FANCM: variants seen among roughly 807,000 people sequenced by gnomAD.
The protein encoded by FANCM is FA complementation group M, also known as Fanconi anemia group M protein.
A neutral mutation model predicts 199.5 loss-of-function variants in FANCM; 140 were observed. The ratio of observed to expected loss-of-function variants is 0.70; its 90% CI spans 0.61 to 0.81. FANCM has a LOEUF of 0.81. Ranked by LOEUF, FANCM falls within the 30% of genes least tolerant of loss-of-function variation. FANCM has a pLI of 0.00. For missense variants in FANCM, 2,410 were observed against 2,421.4 expected (o/e 1.00, Z 0.10); for synonymous variants, 840 against 836.8 (o/e 1.00, Z -0.07).
At chr14:45,162,869 T>C (rs189895477) in intron 9 of FANCM, among the ~76,000 whole-genome samples, 1 of 152,184 alleles carries the variant, frequency 6.6e-6, no homozygotes, top group Non-Finnish European at 1.5e-5. Flanking sequence ...GTGGCCTTTT[T>C]TTTTTCTTTA....
intron 20 of FANCM, among the ~76,000 whole-genome samples, chr14:45,191,365 A>T (rs557661787): frequency 1.3e-5 from 2 of 152,336 alleles, no homozygotes; most frequent in East Asian, 3.9e-4. Flanking sequence ...GACAAGGCAG[A>T]GTCCCTCCTG....
Position 45,153,916 on chromosome 14 carries a change from C to T in FANCM, c.1051-4C>T. 1 of 1,609,522 alleles carries T rather than the reference C, an allele frequency of 6.2e-7. No homozygotes were observed. Among genetic ancestry groups the T allele is most frequent in the Non-Finnish European group, 8.5e-7 (1 of 1,176,114 alleles). On this transcript the variant is annotated splice_polypyrimidine_tract_variant and splice_region_variant and intron_variant, in intron 5 of 22. Coordinates refer to ENST00000267430, the MANE Select transcript of FANCM (RefSeq NM_020937.4). ...GTTAAATTTGACATATGCTGTTTTT[C>T]TAGGGAATACAACAAGGCATAATCG...
rs1888673355 is a variant in FANCM, at chr14:45,176,136, A to T, written c.3382A>T (p.Thr1128Ser). ...TAACAGTGACCTCCCAGTATTGTCC[A>T]CTGATCAAGATGAAAGTTTGCTGTT... is the stretch of plus-strand genomic sequence containing the variant. Reference protein sequence around the residue: ...VDNSDLPVLSTDQDESLLLFE... With the variant: ...VDNSDLPVLSSDQDESLLLFE... Residue 1128 changes from threonine (T) to serine (S), a missense_variant, in exon 14 of 23, where the codon ACT becomes TCT. Transcript: ENST00000267430. 6 of 1,614,052 alleles carry T rather than the reference A, an allele frequency of 3.7e-6. No homozygotes were observed. In the East Asian group the frequency reaches 1.3e-4, roughly 36 times the overall value.
chr14:45,177,396 C>G (rs1196425310), intron 14 of FANCM, among the ~76,000 whole-genome samples: 1 of 151,654 alleles, frequency 6.6e-6, no homozygotes, highest in African/African-American at 2.4e-5. Context: ...TTTTTTGTTT[C>G]TTTGTTTTTT....
intron 19 of FANCM, among the ~76,000 whole-genome samples, chr14:45,188,333 C>G (rs1889538916): frequency 6.6e-6 from 1 of 152,152 alleles, no homozygotes; most frequent in Non-Finnish European, 1.5e-5. Flanking sequence ...GAGCAAAACT[C>G]CATCTCAAAA....
At chr14:45,162,934 CA>C (rs1887707818) in intron 9 of FANCM, among the ~76,000 whole-genome samples, 1 of 151,690 alleles carries the variant, frequency 6.6e-6, no homozygotes, top group Admixed American at 6.6e-5. Context: ...GGCTTAATGT[CA>C]GTACAAATTC....
In FANCM at chr14:45,136,544, C is replaced by G. The variant is rs886050497; in HGVS notation, c.508+5C>G. On this transcript the variant is annotated splice_donor_5th_base_variant and intron_variant, in intron 1 of 22. Transcript: ENST00000267430. ...CCCACATGGCCGAAATGACAGGTAT[C>G]TTAGACTGGACTAATTTTGAAGTAA... is the stretch of plus-strand genomic sequence containing the variant. The G allele has an allele frequency of 6.2e-7, 1 of 1,612,818 alleles. No individual in the cohort carries two copies. Among genetic ancestry groups the G allele is most frequent in the East Asian group, 2.2e-5 (1 of 44,878 alleles).
intron 11 of FANCM, among the ~76,000 whole-genome samples, chr14:45,168,961 G>A (rs959307248): frequency 6.6e-6 from 1 of 150,814 alleles, no homozygotes; most frequent in East Asian, 1.9e-4. Flanking sequence ...TCGTGTTGTC[G>A]CCCAGGCTGG....
intron 14 of FANCM, among the ~76,000 whole-genome samples, chr14:45,178,344 G>A (rs778302504): frequency 4.6e-5 from 7 of 152,134 alleles, no homozygotes; most frequent in Admixed American, 4.6e-4. Flanking sequence ...TGAAGTCCAC[G>A]TTAATGAGTG....
In FANCM at chr14:45,176,243, C is replaced by G. The variant is rs758363235; in HGVS notation, c.3489C>G (p.Asp1163Glu). The change falls in exon 14 of 23, where the codon GAC becomes GAG. Residue 1163 changes from aspartate (D) to glutamate (E), a missense_variant. Asp to Glu is a conservative substitution (Grantham distance 45). Transcript: ENST00000267430. ...AAAGCGAATCTTTACCTGTGTCAGA[C>G]AAAACTGCTATTAGTGAAACGCCTC... Reference protein sequence around the residue: ...NSKSESLPVSDKTAISETPLV... With the variant: ...NSKSESLPVSEKTAISETPLV... 1.2e-6 allele frequency: 2 copies of G among 1,613,310 alleles called. No individual in the cohort carries two copies. Among genetic ancestry groups the G allele is most frequent in the East Asian group, 4.5e-5 (2 of 44,808 alleles).
intron 10 of FANCM, among the ~76,000 whole-genome samples, chr14:45,165,511 G>A (rs753576213): frequency 1.2e-4 from 19 of 152,066 alleles, no homozygotes; most frequent in Non-Finnish European, 2.6e-4. Context: ...TCCCACCACT[G>A]CACTCCAGCC....
Position 45,176,384 on chromosome 14 carries a change from G to A in FANCM, c.3630G>A (p.Gln1210=), listed in dbSNP as rs1888700897. The A allele has an allele frequency of 6.2e-7, 1 of 1,612,730 alleles. No individual in the cohort carries two copies. The highest frequency in any genetic ancestry group is 1.3e-5 in the African/African-American group (1 of 74,892). ...AATCTCGTGATCAGAGAGGTGTACA[G>A]GAAGAAAAAGTGAAGAATCATGAGG... is the stretch of plus-strand genomic sequence containing the variant. ...SFKSRDQRGV[Q]EEKVKNHEDI... The change falls in exon 14 of 23, where the codon CAG becomes CAA. Residue 1210 remains glutamine, a synonymous_variant. Coordinates refer to ENST00000267430, the MANE Select transcript of FANCM (RefSeq NM_020937.4).
At position 45,189,069 on chromosome 14, in the gene FANCM, A is replaced by T. The variant is rs1213350464; in HGVS notation, c.5047A>T (p.Lys1683Ter). The T allele has an allele frequency of 6.2e-7, 1 of 1,614,188 alleles. No individual in the cohort carries two copies. Among genetic ancestry groups the T allele is most frequent in the Admixed American group, 1.7e-5 (1 of 60,034 alleles). ...TGAGGAGGAGAACAATGTAAATGAT[A>T]AAAGAGAATCTAATATTGCGGTTAA... ...SSEEENNVND[K>*]RESNIAVNPS... Residue 1683 changes from lysine to a stop codon, truncating the protein, a stop_gained, in exon 20 of 23, where the codon AAA becomes TAA. Coordinates refer to ENST00000267430, the MANE Select transcript of FANCM (RefSeq NM_020937.4). LOFTEE classifies it high-confidence loss of function.
chr14:45,146,878 C>G (rs963562397), intron 3 of FANCM, among the ~76,000 whole-genome samples: 2 of 145,964 alleles, frequency 1.4e-5, no homozygotes, highest in African/African-American at 5.0e-5. Flanking sequence ...TCAGAAAGGT[C>G]TATTCTAACT....
intron 8 of FANCM, among the ~76,000 whole-genome samples, chr14:45,158,439 GC>G (rs997108176): frequency 1.4e-5 from 2 of 143,076 alleles, no homozygotes; most frequent in African/African-American, 5.3e-5. Flanking sequence ...TACCTCACCC[GC>G]CCCCCAGCAC....
chr14:45,170,327 G>T (rs1272238639), intron 11 of FANCM, among the ~76,000 whole-genome samples: 1 of 152,172 alleles, frequency 6.6e-6, no homozygotes, highest in Non-Finnish European at 1.5e-5. Context: ...AGGAGTTTGA[G>T]ACCAACCTGG....
intron 8 of FANCM, 146 bp downstream of exon 8, chr14:45,155,605 C>G (rs565576511): frequency 1.9e-6 from 1 of 515,530 alleles, no homozygotes; most frequent in South Asian, 2.0e-5. Flanking sequence ...TCAAGACCAG[C>G]CTGACCAACA....
intron 7 of FANCM, 127 bp downstream of exon 7, chr14:45,154,949 G>A (rs1887076962): frequency 2.0e-5 from 13 of 653,414 alleles, no homozygotes; most frequent in Non-Finnish European, 1.6e-5. Flanking sequence ...TCTGTTAAAT[G>A]TGTAAATATT....
chr14:45,149,484 A>G (rs117224708), intron 4 of FANCM, among the ~76,000 whole-genome samples: 4,056 of 152,182 alleles, frequency 0.027, 150 homozygotes, highest in Admixed American at 0.11. Flanking sequence ...AGTTCTCCTT[A>G]GCCTCCCAAG....
Sources: gnomAD v4.1 joint callset for allele counts (sites outside exome capture counted in the v4.1 genomes callset) on GRCh38, gnomAD v4.1.1 for gene constraint, MANE v1.5 for transcripts, NCBI Gene and HGNC (gene_info 2026-07-23, HGNC 2026-07-21) for gene names.